The following H1-8 variants were observed in gnomAD, a reference collection of about 807,000 sequenced individuals.
The protein encoded by H1-8 is histone H1.8.
Under a neutral mutation model 19.5 loss-of-function variants are expected in H1-8, and 13 were observed. The observed-to-expected ratio is 0.67, with a 90% CI of 0.43 to 1.06. The LOEUF is 1.06. H1-8 is among the 50% of genes least tolerant of loss of function. The pLI, the probability that H1-8 is intolerant of heterozygous loss-of-function variation, is 0.00. For missense variants in H1-8, 432 were observed against 459.8 expected (o/e 0.94, Z 0.55); for synonymous variants, 193 against 187.6 (o/e 1.03, Z -0.24).
chr3:129,543,846 T>G (rs1379747486), intron 1 of H1-8, among the ~76,000 whole-genome samples: 1 of 152,094 alleles, frequency 6.6e-6, no homozygotes, highest in Non-Finnish European at 1.5e-5. Context: ...TGTGCTTCAG[T>G]GGCGGTAATC....
intron 4 of H1-8, 53 bp downstream of exon 4, chr3:129,550,862 A>G: frequency 6.7e-7 from 1 of 1,494,208 alleles, no homozygotes; most frequent in Non-Finnish European, 9.2e-7. Flanking sequence ...AACAGGCCAG[A>G]GCTTGGGCAT....
chr3:129,547,326 G>A, intron 1 of H1-8, 65 bp from the exon 2 acceptor site: 1 of 1,439,212 alleles, frequency 6.9e-7, no homozygotes, highest in Non-Finnish European at 9.2e-7. Flanking sequence ...CCCCCCACGG[G>A]CCAGCTGATG....
intron 1 of H1-8, among the ~76,000 whole-genome samples, chr3:129,546,296 C>A (rs1361064950): frequency 6.6e-6 from 1 of 152,038 alleles, no homozygotes; most frequent in East Asian, 1.9e-4. Flanking sequence ...TGCACTCCAG[C>A]TTGGGTGACA....
At chr3:129,547,069 C>T (rs561592243) in intron 1 of H1-8, among the ~76,000 whole-genome samples, 7 of 152,148 alleles carry the variant, frequency 4.6e-5, no homozygotes, top group African/African-American at 1.4e-4. Flanking sequence ...ATGGTGGCAG[C>T]GCCTGTAATC....
At chr3:129,545,150 T>A (rs1371069773) in intron 1 of H1-8, among the ~76,000 whole-genome samples, 2 of 151,644 alleles carry the variant, frequency 1.3e-5, no homozygotes, top group Non-Finnish European at 2.9e-5. Flanking sequence ...AGTCTCCACT[T>A]CCCAGGCTCA....
At chr3:129,546,122 C>CAATAAT (rs56301839) in intron 1 of H1-8, among the ~76,000 whole-genome samples, 13,847 of 139,084 alleles carry the variant, frequency 0.1, 819 homozygotes, top group East Asian at 0.17. Flanking sequence ...ATAACAATAA[C>CAATAAT]AATAATAATA....
Position 129,551,224 on chromosome 3 carries a change from A to C in H1-8, c.925A>C (p.Lys309Gln). The C allele has an allele frequency of 6.2e-7, 1 of 1,614,224 alleles. No homozygotes were observed. The highest frequency in any genetic ancestry group is 8.5e-7 in the Non-Finnish European group (1 of 1,180,030). Residue 309 changes from lysine (K) to glutamine (Q), a missense_variant, in exon 5 of 5, where the codon AAG (lysine) becomes CAG (glutamine). Transcript: ENST00000324382. ...AAAPAKGSGS[K>Q]VVPAHLSRKT... ...TGCTCCTGCTAAGGGCAGTGGGTCC[A>C]AGGTGGTACCTGCACATTTGTCCAG...
Position 129,547,646 on chromosome 3 carries a change from AC to A in H1-8, c.345del (p.Ser116ProfsTer12). 1 of 1,546,218 alleles carries A rather than the reference AC, an allele frequency of 6.5e-7. No homozygotes were observed. The highest frequency in any genetic ancestry group is 8.7e-7 in the Non-Finnish European group (1 of 1,146,846). Reference sequence around the variant, plus strand: ...CGTGGCCTCCTCGCCAGGCCCCTCAACTCCAAAGCCAGGGGGGCCACTGGCA... The same window carrying A: ...CGTGGCCTCCTCGCCAGGCCCCTCAATCCAAAGCCAGGGGGGCCACTGGCA... ...MRRGLLARPL[N>X]SKARGATGSF... is the part of the protein sequence containing the mutation. On this transcript the variant is annotated frameshift_variant, in exon 2 of 5. Transcript: ENST00000324382. LOFTEE classifies it high-confidence loss of function.
At chr3:129,550,894 G>T in intron 4 of H1-8, 85 bp downstream of exon 4, 1 of 1,234,166 alleles carries the variant, frequency 8.1e-7, no homozygotes, top group Middle Eastern at 2.2e-4. Flanking sequence ...CCCCCGGAAG[G>T]GTCATCCAGG....
chr3:129,548,379 T>C (rs2084905702), intron 2 of H1-8: 2 of 986,230 alleles, frequency 2.0e-6, no homozygotes, highest in South Asian at 9.4e-5. Context: ...GGTCAGAGCC[T>C]GGACTTGCGT....
Position 129,547,408 on chromosome 3 carries a change from G to A in H1-8, c.106G>A (p.Val36Ile). 6.6e-7 allele frequency: 1 copy of A among 1,509,708 alleles called. No individual in the cohort carries two copies. Among genetic ancestry groups the A allele is most frequent in the Non-Finnish European group, 8.8e-7 (1 of 1,132,976 alleles). The allele number at this position is 1,509,708 out of a possible 1,614,324, so 93.5% of individuals were successfully genotyped here. ...SEKPGPSHGG[V>I]PPGGPSHSSL... is the part of the protein sequence containing the mutation. ...CTCCTCAGGCCCGAGCCACGGCGGT[G>A]TCCCACCAGGAGGCCCGAGCCACAG... Residue 36 changes from valine (V) to isoleucine (I), a missense_variant, in exon 2 of 5, where the codon GTC (valine) becomes ATC (isoleucine). Val to Ile is a conservative substitution (Grantham distance 29). Transcript: ENST00000324382.
In H1-8 at chr3:129,551,409, C is replaced by A. The variant is rs926739598; in HGVS notation, c.*69C>A. On this transcript the variant is annotated 3_prime_UTR_variant, in exon 5 of 5. Coordinates refer to ENST00000324382, the MANE Select transcript of H1-8 (RefSeq NM_153833.3). Reference sequence around the variant, plus strand: ...TTTTATTCTTCAACTAACCACTGCTCTATTTATTTCATTGTAAGCTATTTA... The same window carrying A: ...TTTTATTCTTCAACTAACCACTGCTATATTTATTTCATTGTAAGCTATTTA... The A allele has an allele frequency of 1.1e-6, 1 of 904,424 alleles. No homozygotes were observed. The highest frequency in any genetic ancestry group is 2.7e-5 in the Admixed American group (1 of 37,146). 56.0% of individuals were successfully genotyped at this position (904,424 alleles called of 1,614,324 possible). A position where few individuals can be genotyped will look rare whatever the true frequency, so the allele number is the denominator to read the frequency against.
rs1332046608 is a variant in H1-8 at position 129,547,542 on chromosome 3, C to T, written c.240C>T (p.Tyr80=). 1.9e-6 allele frequency: 3 copies of T among 1,577,930 alleles called. No individual in the cohort carries two copies. Among genetic ancestry groups the T allele is most frequent in the Admixed American group, 3.6e-5 (2 of 55,488 alleles). ...CGTCGGTGGCAGCTATCAAGCTCTA[C>T]ATCCTGCACAAGTACCCAACAGTGG... ...RGTSVAAIKL[Y]ILHKYPTVDV... is the part of the protein sequence containing the mutation. The change falls in exon 2 of 5, where the codon TAC becomes TAT. Residue 80 remains tyrosine (Y), a synonymous_variant. Transcript: ENST00000324382.
chr3:129,550,449 G>A (rs1349885858), intron 3 of H1-8, among the ~76,000 whole-genome samples: 1 of 152,100 alleles, frequency 6.6e-6, no homozygotes, highest in African/African-American at 2.4e-5. Context: ...CAAACTAAAG[G>A]CTCGAGCTGA....
At chr3:129,548,303 C>T in intron 2 of H1-8, 2 of 985,504 alleles carry the variant, frequency 2.0e-6, no homozygotes, top group Non-Finnish European at 2.4e-6. Flanking sequence ...CTACCCCAAG[C>T]CGGTCCCTGT....
At chr3:129,550,032 A>C (rs1329914986) in intron 3 of H1-8, among the ~76,000 whole-genome samples, 2 of 152,214 alleles carry the variant, frequency 1.3e-5, no homozygotes, top group African/African-American at 4.8e-5. Flanking sequence ...GGCAAGGAGA[A>C]GCTGTGAAGG....
chr3:129,550,834 G>T (rs1377673945), intron 4 of H1-8, 25 bp downstream of exon 4: 1 of 1,595,624 alleles, frequency 6.3e-7, no homozygotes, highest in South Asian at 1.1e-5. Context: ...GAATTTCCTG[G>T]CCTGGCTGCC....
chr3:129,550,897 C>A, intron 4 of H1-8, 88 bp downstream of exon 4: 1 of 1,230,138 alleles, frequency 8.1e-7, no homozygotes, highest in South Asian at 1.3e-5. Context: ...CCGGAAGGGT[C>A]ATCCAGGGAT....
intron 1 of H1-8, 28 bp from the exon 2 acceptor site, chr3:129,547,363 C>T (rs1051812218): frequency 1.1e-5 from 16 of 1,459,046 alleles, no homozygotes; most frequent in South Asian, 2.9e-5. Context: ...GACTGGGCCC[C>T]GGGTGATGGC....
Sources: gnomAD v4.1 joint callset for allele counts (sites outside exome capture counted in the v4.1 genomes callset) on GRCh38, gnomAD v4.1.1 for gene constraint, MANE v1.5 for transcripts, NCBI Gene and HGNC (gene_info 2026-07-23, HGNC 2026-07-21) for gene names.